TNS1: variants seen among roughly 807,000 people sequenced by gnomAD.
TNS1 encodes tensin 1.
In TNS1, 62 loss-of-function variants were observed where a neutral mutation model predicts 168.6. The ratio of observed to expected loss-of-function variants is 0.37; its 90% CI spans 0.30 to 0.45. The LOEUF is 0.45. Ranked by LOEUF, TNS1 falls within the 20% of genes least tolerant of loss-of-function variation. The pLI, the probability that TNS1 is intolerant of heterozygous loss-of-function variation, is 1.00. For synonymous variants in TNS1, 934 were observed against 933.2 expected (o/e 1.00, Z -0.02); for missense variants, 2,240 against 2,339.4 (o/e 0.96, Z 0.88).
intron 1 of TNS1, among the ~76,000 whole-genome samples, chr2:218,028,620 G>C (rs1032722753): frequency 1.3e-5 from 2 of 152,216 alleles, no homozygotes; most frequent in African/African-American, 4.8e-5. Context: ...GAAGCACCCA[G>C]CACTCTCATA....
intron 4 of TNS1, among the ~76,000 whole-genome samples, chr2:217,907,687 G>A (rs1227904707): frequency 1.3e-5 from 2 of 152,216 alleles, no homozygotes; most frequent in Non-Finnish European, 2.9e-5. Flanking sequence ...AGAGACGGCA[G>A]GATTTGAACC....
chr2:217,809,147 T>G, intron 30 of TNS1, among the ~76,000 whole-genome samples: 2 of 151,642 alleles, frequency 1.3e-5, no homozygotes, highest in African/African-American at 2.4e-5. Context: ...TGGTAAGGGA[T>G]AGATGAGGGA....
chr2:217,904,857 AC>A (rs1221204286), intron 6 of TNS1, among the ~76,000 whole-genome samples: 1 of 152,152 alleles, frequency 6.6e-6, no homozygotes, highest in Non-Finnish European at 1.5e-5. Flanking sequence ...GTGTGCCCAG[AC>A]CATTGCCTAG....
chr2:217,959,258 G>A (rs1421103285), intron 3 of TNS1, among the ~76,000 whole-genome samples: 1 of 152,228 alleles, frequency 6.6e-6, no homozygotes, highest in African/African-American at 2.4e-5. Context: ...TGGGTTGTTT[G>A]AAGAATTTAT....
chr2:217,814,646 C>A (rs1435605960), intron 25 of TNS1, among the ~76,000 whole-genome samples: 2 of 152,234 alleles, frequency 1.3e-5, no homozygotes, highest in Non-Finnish European at 2.9e-5. Flanking sequence ...TTCATATTAT[C>A]TTAGCAGACC....
At chr2:218,023,183 G>A (rs1426551541) in intron 1 of TNS1, among the ~76,000 whole-genome samples, 1 of 152,192 alleles carries the variant, frequency 6.6e-6, no homozygotes, top group Non-Finnish European at 1.5e-5. Flanking sequence ...AAGGGTCTAG[G>A]CTGAGGGGCC....
Position 217,817,968 on chromosome 2 carries a change from G to A in TNS1, c.4364C>T (p.Pro1455Leu), listed in dbSNP as rs368604589. ...GTAGGCAGGGGAGACAGGGAAGGAGGGCGTGGAAGGAGCCTGGTAGCCAGA... is the reference window on the plus strand; with the variant it reads ...GTAGGCAGGGGAGACAGGGAAGGAGAGCGTGGAAGGAGCCTGGTAGCCAGA... ...SASGYQAPST[P>L]SFPVSPAYYP... Residue 1455 changes from proline (P) to leucine (L), a missense_variant, in exon 24 of 33, where the codon CCC becomes CTC. By Grantham distance (98) the Pro-to-Leu change is moderately conservative (BLOSUM62 -3). Around this residue, in one of 2 missense-constraint regions of TNS1, gnomAD observed 2,131 missense variants for 2,171.2 expected, o/e 0.98. Transcript: ENST00000682258. 5.0e-6 allele frequency: 8 copies of A among 1,604,548 alleles called. No homozygotes were observed. Among genetic ancestry groups the A allele is most frequent in the Non-Finnish European group, 6.0e-6 (7 of 1,175,486 alleles).
chr2:217,901,188 C>T (rs887460760), intron 6 of TNS1, among the ~76,000 whole-genome samples: 3 of 152,174 alleles, frequency 2.0e-5, no homozygotes, highest in African/African-American at 4.8e-5. Flanking sequence ...AGCAGGATGG[C>T]ATGGCGGGTG....
At chr2:217,978,926 G>A (rs928800167) in intron 2 of TNS1, 124 bp from the exon 3 acceptor site, 3 of 678,474 alleles carry the variant, frequency 4.4e-6, no homozygotes, top group Non-Finnish European at 8.1e-6. Flanking sequence ...AAGGAGGGAC[G>A]GAGGGAAGGA....
intron 27 of TNS1, 60 bp from the exon 28 acceptor site, chr2:217,812,505 C>T (rs1336019420): frequency 2.2e-6 from 3 of 1,372,460 alleles, no homozygotes; most frequent in Non-Finnish European, 3.1e-6. Context: ...AGGGAAACCT[C>T]CACCTCTACC....
intron 18 of TNS1, among the ~76,000 whole-genome samples, chr2:217,876,225 A>G (rs13427691): frequency 0.041 from 6,212 of 152,234 alleles, 420 homozygotes; most frequent in African/African-American, 0.14. Context: ...CCTTGGTTCA[A>G]GGCTTGCTTC....
At chr2:217,861,214 C>G (rs955355152) in intron 18 of TNS1, among the ~76,000 whole-genome samples, 2 of 152,204 alleles carry the variant, frequency 1.3e-5, no homozygotes. Flanking sequence ...GCCCTCTTTT[C>G]CACTAACTGG....
At chr2:217,912,828 G>A (rs1036192321) in intron 4 of TNS1, among the ~76,000 whole-genome samples, 5 of 152,132 alleles carry the variant, frequency 3.3e-5, no homozygotes, top group South Asian at 4.1e-4. Flanking sequence ...CAGCGGCAGC[G>A]GCAGAAGGCA....
rs779631391 is a variant in TNS1 at position 217,906,354 on chromosome 2, C to T, written c.302G>A (p.Arg101Gln). 33 of 701,068 alleles carry T rather than the reference C, an allele frequency of 4.7e-5. No individual in the cohort carries two copies. Among genetic ancestry groups the T allele is most frequent in the African/African-American group, 3.3e-4 (19 of 57,130 alleles). The allele number at this position is 701,068 out of a possible 1,614,324, so 43.4% of individuals were successfully genotyped here. The change falls in exon 6 of 33, where the codon CGG becomes CAG. Residue 101 changes from arginine (R) to glutamine (Q), a missense_variant. Physicochemically the swap from Arg to Gln is conservative, Grantham distance 43. Around this residue, in one of 2 missense-constraint regions of TNS1, gnomAD observed 2,131 missense variants for 2,171.2 expected, o/e 0.98. Transcript: ENST00000682258. ...GEGASRGGNT[R>Q]KSLEDNGSTR... ...ACTCACGTTGTCCTCGAGGCTTTTC[C>T]GTGTGTTTCCACCCCGGGAGGCTCC... is the stretch of plus-strand genomic sequence containing the variant.
intron 3 of TNS1, among the ~76,000 whole-genome samples, chr2:217,969,529 C>CA (rs200684784): frequency 0.013 from 1,935 of 152,156 alleles, 44 homozygotes; most frequent in African/African-American, 0.043. Context: ...AAATTCAGAT[C>CA]TATATTTGAT....
In TNS1 at chr2:217,966,308, T is replaced by TGCGCGCGC. The variant is rs1553621681; in HGVS notation, c.186+12449_186+12456dup. Among the ~76,000 whole-genome samples the TGCGCGCGC allele has an allele frequency of 2.6e-4, 35 of 133,742 alleles. No individual in the cohort carries two copies. In the East Asian group the frequency reaches 7.7e-3, roughly 30 times the overall value. 87.7% of individuals were successfully genotyped at this position (133,742 alleles called of 152,430 possible). A position where few individuals can be genotyped will look rare whatever the true frequency, so the allele number is the denominator to read the frequency against. On this transcript the variant is annotated intron_variant, in intron 3 of 32. Transcript: ENST00000682258. ...GTGTGTGTGTGTGTGTGTGTGTGTGTGCGCGCGCGCGCGTGTGTAAGGAGA... is the reference window on the plus strand; with the variant it reads ...GTGTGTGTGTGTGTGTGTGTGTGTGTGCGCGCGCGCGCGCGCGCGCGTGTGTAAGGAGA...
At chr2:217,934,732 C>T (rs565465394) in intron 3 of TNS1, among the ~76,000 whole-genome samples, 1 of 152,300 alleles carries the variant, frequency 6.6e-6, no homozygotes, top group South Asian at 2.1e-4. Flanking sequence ...GGAGTGGTCA[C>T]TGGGCAAAGA....
intron 4 of TNS1, among the ~76,000 whole-genome samples, chr2:217,910,680 G>C (rs1300997169): frequency 6.8e-6 from 1 of 146,828 alleles, no homozygotes; most frequent in Non-Finnish European, 1.5e-5. Flanking sequence ...CTCCATTCCT[G>C]GCCAGGATGT....
chr2:217,982,409 T>C (rs1448915715), intron 2 of TNS1, among the ~76,000 whole-genome samples: 1 of 151,324 alleles, frequency 6.6e-6, no homozygotes, highest in Non-Finnish European at 1.5e-5. Flanking sequence ...TCTTTTTTTT[T>C]TTTTTTTTAG....
Sources: allele counts gnomAD v4.1 joint callset (sites outside exome capture counted in the v4.1 genomes callset), GRCh38; gene constraint gnomAD v4.1.1; regional missense constraint gnomAD v4.1.1; transcripts MANE v1.5; gene names NCBI Gene and HGNC (gene_info 2026-07-23, HGNC 2026-07-21).